Variants in TMTC1 observed in about 807,000 individuals in gnomAD.
The protein encoded by TMTC1 is transmembrane O-mannosyltransferase targeting cadherins 1.
A neutral mutation model predicts 104.8 loss-of-function variants in TMTC1; 73 were observed. The ratio of observed to expected loss-of-function variants is 0.70; its 90% CI spans 0.58 to 0.85. The LOEUF (loss-of-function observed/expected upper bound fraction) is 0.85. Among genes scored for constraint, TMTC1 ranks in the 40% least tolerant of loss-of-function variants. TMTC1 has a pLI of 0.00. For synonymous variants in TMTC1, 434 were observed against 428.7 expected (o/e 1.01, Z -0.15); for missense variants, 1,035 against 1,096.1 (o/e 0.94, Z 0.79).
rs1000252273 is a variant in TMTC1, at chr12:29,548,181, C to T, written c.1676+8676G>A. ...AGAATTTGAAGACCTAAGAGAGAGC[C>T]TGTGGTAATAGAAGAGGAGAGAAAT... On this transcript the variant is annotated intron_variant, in intron 10 of 17. Coordinates refer to ENST00000539277, the MANE Select transcript of TMTC1 (RefSeq NM_001193451.2). 2.0e-4 allele frequency among the ~76,000 whole-genome samples: 30 copies of T among 152,234 alleles called. No homozygotes were observed. The East Asian group carries it at 3.5e-3, about 18-fold the overall frequency.
intron 5 of TMTC1, among the ~76,000 whole-genome samples, chr12:29,743,545 A>T (rs774812032): frequency 6.6e-6 from 1 of 152,196 alleles, no homozygotes; most frequent in Non-Finnish European, 1.5e-5. Context: ...TTAAGCATGT[A>T]TATTTTTAAG....
chr12:29,661,085 G>A (rs562665263), intron 5 of TMTC1, among the ~76,000 whole-genome samples: 27 of 152,102 alleles, frequency 1.8e-4, no homozygotes, highest in South Asian at 8.3e-4. Flanking sequence ...GCAAGTTTCC[G>A]AACCTCTTTG....
chr12:29,518,624 GT>G lies in TMTC1; in HGVS notation c.1889-18del, dbSNP rs777378819. ...CTGGTAAGCCTGTAACCAGTGACAG[GT>G]TGGTAAGAGCAGAACATGCCTTTTT... On this transcript the variant is annotated intron_variant, in intron 12 of 17. Coordinates refer to ENST00000539277, the MANE Select transcript of TMTC1 (RefSeq NM_001193451.2). 6.2e-6 allele frequency: 10 copies of G among 1,613,534 alleles called. No individual in the cohort carries two copies. In the African/African-American group the frequency reaches 1.3e-4, roughly 22 times the overall value.
At chr12:29,602,081 G>A (rs980294816) in intron 7 of TMTC1, among the ~76,000 whole-genome samples, 13 of 151,694 alleles carry the variant, frequency 8.6e-5, no homozygotes, top group African/African-American at 2.7e-4. Flanking sequence ...TGATCTGCCC[G>A]CCTCGGCCTC....
intron 5 of TMTC1, among the ~76,000 whole-genome samples, chr12:29,637,640 C>T (rs887866533): frequency 6.6e-6 from 1 of 152,150 alleles, no homozygotes; most frequent in Non-Finnish European, 1.5e-5. Flanking sequence ...AACTGTGTGG[C>T]TCTTCACATC....
intron 5 of TMTC1, among the ~76,000 whole-genome samples, chr12:29,704,365 C>T (rs1330844174): frequency 2.6e-5 from 4 of 152,040 alleles, no homozygotes; most frequent in South Asian, 2.1e-4. Context: ...AATGAATGAA[C>T]GTATGAATGA....
At chr12:29,664,314 C>T (rs1180306396) in intron 5 of TMTC1, among the ~76,000 whole-genome samples, 1 of 151,970 alleles carries the variant, frequency 6.6e-6, no homozygotes, top group African/African-American at 2.4e-5. Context: ...AAAAGATGAC[C>T]TCTTCAAGAT....
rs1182794909 is a variant in TMTC1 at position 29,697,044 on chromosome 12, CAGG to C, written c.938+54619_938+54621del. Among the ~76,000 whole-genome samples, 44 of 152,276 alleles carry C rather than the reference CAGG, an allele frequency of 2.9e-4. 1 individual carries two copies. In the East Asian group the frequency reaches 4.8e-3, roughly 17 times the overall value. On this transcript the variant is annotated intron_variant, in intron 5 of 17. Transcript: ENST00000539277. The stretch of plus-strand genomic sequence containing the variant: ...ACTAGAATCATAAGTTCCATGAAAG[CAGG>C]AGATTTTGCTTGCATTGTTTACCAA...
chr12:29,603,455 G>A (rs539837826), intron 7 of TMTC1, among the ~76,000 whole-genome samples: 1 of 152,108 alleles, frequency 6.6e-6, no homozygotes, highest in Non-Finnish European at 1.5e-5. Context: ...AATCTCTATT[G>A]TAAAAATGAG....
intron 5 of TMTC1, among the ~76,000 whole-genome samples, chr12:29,686,574 T>C (rs958954703): frequency 6.6e-6 from 1 of 152,206 alleles, no homozygotes; most frequent in Non-Finnish European, 1.5e-5. Flanking sequence ...CCTGGCTCCC[T>C]GAGCCAGTAG....
At chr12:29,526,563 A>G (rs1944351324) in intron 11 of TMTC1, among the ~76,000 whole-genome samples, 1 of 152,162 alleles carries the variant, frequency 6.6e-6, no homozygotes, top group Admixed American at 6.6e-5. Context: ...TCTCTTCATT[A>G]GAGTTTTGGG....
At chr12:29,570,879 ACACC>A (rs1360379067) in intron 9 of TMTC1, among the ~76,000 whole-genome samples, 88,381 of 120,972 alleles carry the variant, frequency 0.73, 31,296 homozygotes, top group Middle Eastern at 0.81. Context: ...AAAAACAGAA[ACACC>A]CCCCCCCCCC....
chr12:29,721,557 A>C (rs760543508), intron 5 of TMTC1, among the ~76,000 whole-genome samples: 1 of 152,162 alleles, frequency 6.6e-6, no homozygotes, highest in Non-Finnish European at 1.5e-5. Context: ...ATAAAGCAAA[A>C]GTGACAGAAT....
intron 9 of TMTC1, 42 bp from the exon 10 acceptor site, chr12:29,557,042 T>C: frequency 6.2e-7 from 1 of 1,605,426 alleles, no homozygotes; most frequent in Non-Finnish European, 8.5e-7. Flanking sequence ...TTCAAAAACT[T>C]CTAAGTTGGG....
At chr12:29,544,648 A>C (rs1439673080) in intron 10 of TMTC1, among the ~76,000 whole-genome samples, 1 of 152,236 alleles carries the variant, frequency 6.6e-6, no homozygotes, top group African/African-American at 2.4e-5. Context: ...GCGGGCTGGG[A>C]TAAACTAGTC....
At chr12:29,660,837 T>A (rs1484935269) in intron 5 of TMTC1, 1 of 1,496,778 alleles carries the variant, frequency 6.7e-7, no homozygotes, top group Non-Finnish European at 8.9e-7. Context: ...TTTTTAAAAA[T>A]GGTCTCATGG....
At chr12:29,696,551 T>G (rs1268726488) in intron 5 of TMTC1, among the ~76,000 whole-genome samples, 1 of 152,188 alleles carries the variant, frequency 6.6e-6, no homozygotes, top group Non-Finnish European at 1.5e-5. Flanking sequence ...TGGAAAGATT[T>G]GAGGCAACAT....
rs1180084870 is a variant in TMTC1 at position 29,517,543 on chromosome 12, T to G, written c.2053A>C (p.Ile685Leu). The change falls in exon 14 of 18, where the codon ATA (isoleucine) becomes CTA (leucine). Residue 685 changes from isoleucine to leucine, a missense_variant. Coordinates refer to ENST00000539277, the MANE Select transcript of TMTC1 (RefSeq NM_001193451.2). ...RALQVAHKAE[I>L]LSPLGALYYN... Reference sequence around the variant, plus strand: ...TACAGTGCTCCCAAAGGTGACAATATCTCAGCTTTGTGTGCCACCTGCAGG... The same window carrying G: ...TACAGTGCTCCCAAAGGTGACAATAGCTCAGCTTTGTGTGCCACCTGCAGG... The G allele has an allele frequency of 1.2e-6, 2 of 1,614,030 alleles. No individual in the cohort carries two copies. The highest frequency in any genetic ancestry group is 3.3e-5 in the Admixed American group (2 of 60,008).
intron 10 of TMTC1, among the ~76,000 whole-genome samples, chr12:29,555,328 A>T (rs1945212307): frequency 1.3e-5 from 2 of 150,824 alleles, no homozygotes; most frequent in Admixed American, 6.6e-5. Context: ...TTATTTATTT[A>T]TTTTTTTAAA....
Sources: gnomAD v4.1 joint callset for allele counts (sites outside exome capture counted in the v4.1 genomes callset) on GRCh38, gnomAD v4.1.1 for gene constraint, MANE v1.5 for transcripts, NCBI Gene and HGNC (gene_info 2026-07-23, HGNC 2026-07-21) for gene names.